Variants in FAM117B observed in about 807,000 individuals in gnomAD.
FAM117B encodes the protein family with sequence similarity 117 member B.
In FAM117B, 22 loss-of-function variants were observed where a neutral mutation model predicts 52.8. The ratio of observed to expected loss-of-function variants is 0.42; its 90% CI spans 0.30 to 0.59. The LOEUF (loss-of-function observed/expected upper bound fraction) is 0.59, where lower values mean the gene tolerates loss of function less well. FAM117B is among the 20% of genes least tolerant of loss of function. FAM117B has a pLI of 0.22. For synonymous variants in FAM117B, 309 were observed against 324.1 expected (o/e 0.95, Z 0.50); for missense variants, 678 against 802.6 (o/e 0.84, Z 1.88).
At position 202,757,406 on chromosome 2, in the gene FAM117B, C is replaced by T. The variant is rs751809497; in HGVS notation, c.1298C>T (p.Ala433Val). The T allele has an allele frequency of 1.2e-5, 19 of 1,613,930 alleles. No individual in the cohort carries two copies. The highest frequency in any genetic ancestry group is 8.0e-5 in the African/African-American group (6 of 74,878). ...NEGSEESPCS[A>V]DDLLVDPRDK... is the part of the protein sequence containing the mutation. ...GGTAGCGAGGAGAGTCCTTGCTCAG[C>T]GGATGACCTGCTTGTTGATCCCAGA... is the stretch of plus-strand genomic sequence containing the variant. Residue 433 changes from alanine to valine, a missense_variant, in exon 6 of 8, where the codon GCG becomes GTG. Coordinates refer to ENST00000392238, the MANE Select transcript of FAM117B (RefSeq NM_173511.4).
At position 202,635,057 on chromosome 2, in the gene FAM117B, C is replaced by T; in HGVS notation, c.-131C>T. ...GCTGCCTGCCCCGGCCCGGTCTCCC[C>T]CTGCACCCCGGAGTCCGGCTTCGTC... On this transcript the variant is annotated 5_prime_UTR_variant, in exon 1 of 8. Transcript: ENST00000392238. 5.0e-6 allele frequency: 6 copies of T among 1,193,282 alleles called. No homozygotes were observed. The highest frequency in any genetic ancestry group is 6.3e-6 in the Non-Finnish European group (6 of 947,216). The allele number at this position is 1,193,282 out of a possible 1,614,324, so 73.9% of individuals were successfully genotyped here. A position where few individuals can be genotyped will look rare whatever the true frequency, so the allele number is the denominator to read the frequency against.
chr2:202,754,111 G>T (rs927479977), intron 4 of FAM117B, among the ~76,000 whole-genome samples: 1 of 152,118 alleles, frequency 6.6e-6, no homozygotes, highest in Non-Finnish European at 1.5e-5. Flanking sequence ...CAATAGCAAA[G>T]ACATGGAACC....
intron 2 of FAM117B, among the ~76,000 whole-genome samples, chr2:202,719,417 T>G (rs1208380510): frequency 1.3e-5 from 2 of 152,172 alleles, no homozygotes; most frequent in Non-Finnish European, 2.9e-5. Context: ...AATCTTAAGT[T>G]TACAGAAAAG....
At chr2:202,755,294 C>T (rs112200347) in intron 4 of FAM117B, among the ~76,000 whole-genome samples, 243 of 152,270 alleles carry the variant, frequency 1.6e-3, no homozygotes, top group African/African-American at 5.6e-3. Context: ...TTATTTATCC[C>T]TGTTCCCTTT....
intron 1 of FAM117B, among the ~76,000 whole-genome samples, chr2:202,677,973 C>T (rs969229561): frequency 1.1e-4 from 17 of 152,134 alleles, no homozygotes; most frequent in East Asian, 5.8e-4. Context: ...AAAACCATTT[C>T]GTGAATAAAA....
chr2:202,691,684 T>TGA (rs1210763318), intron 1 of FAM117B, among the ~76,000 whole-genome samples: 5 of 150,190 alleles, frequency 3.3e-5, no homozygotes, highest in Admixed American at 2.0e-4. Context: ...TGTGTGTGTG[T>TGA]GTGTGTGTGT....
intron 2 of FAM117B, among the ~76,000 whole-genome samples, chr2:202,719,846 A>C (rs1163179972): frequency 6.6e-6 from 1 of 152,132 alleles, no homozygotes; most frequent in African/African-American, 2.4e-5. Context: ...TCATGACATT[A>C]ATGTTTTTTA....
At chr2:202,752,421 T>C (rs1367961052) in intron 4 of FAM117B, among the ~76,000 whole-genome samples, 2 of 151,126 alleles carry the variant, frequency 1.3e-5, no homozygotes, top group African/African-American at 4.8e-5. Flanking sequence ...TTTTTCTTTT[T>C]TTTTTTTTTT....
At chr2:202,720,964 A>C (rs1169320027) in intron 2 of FAM117B, among the ~76,000 whole-genome samples, 3 of 152,320 alleles carry the variant, frequency 2.0e-5, no homozygotes, top group African/African-American at 7.2e-5. Context: ...ACATACACAA[A>C]CACAAATGAA....
intron 7 of FAM117B, among the ~76,000 whole-genome samples, chr2:202,759,707 A>G (rs1453817884): frequency 6.6e-6 from 1 of 151,210 alleles, no homozygotes; most frequent in Non-Finnish European, 1.5e-5. Context: ...ACAGGCGCCT[A>G]CCACCACGCC....
rs550536219 is a variant in FAM117B, at chr2:202,650,810, C to A, written c.601+15022C>A. Among the ~76,000 whole-genome samples, 262 of 152,288 alleles carry A rather than the reference C, an allele frequency of 1.7e-3. 1 individual carries two copies. The highest frequency in any genetic ancestry group is 5.9e-3 in the African/African-American group (246 of 41,558). On this transcript the variant is annotated intron_variant, in intron 1 of 7. Coordinates refer to ENST00000392238, the MANE Select transcript of FAM117B (RefSeq NM_173511.4). ...AAGGCCGGAAGACTCAGCAAGTCCGCTCTTCCAAGATCTTCTCCTGCCTGC... is the reference window on the plus strand; with the variant it reads ...AAGGCCGGAAGACTCAGCAAGTCCGATCTTCCAAGATCTTCTCCTGCCTGC...
chr2:202,715,981 C>G (rs892874661), intron 2 of FAM117B, among the ~76,000 whole-genome samples: 1 of 152,088 alleles, frequency 6.6e-6, no homozygotes, highest in Non-Finnish European at 1.5e-5. Context: ...ACTCGGCAGG[C>G]TGAGGCAGGA....
At chr2:202,719,819 C>T (rs1691121553) in intron 2 of FAM117B, among the ~76,000 whole-genome samples, 1 of 152,144 alleles carries the variant, frequency 6.6e-6, no homozygotes, top group South Asian at 2.1e-4. Flanking sequence ...GTTCCTCAGC[C>T]TGAGTTTTTG....
chr2:202,641,784 G>A (rs1444197244), intron 1 of FAM117B, among the ~76,000 whole-genome samples: 6 of 148,730 alleles, frequency 4.0e-5, no homozygotes, highest in African/African-American at 1.2e-4. Flanking sequence ...GATTACAGGC[G>A]CCTGCCACCA....
chr2:202,699,426 CAAAAAAAAAAAAAAAA>C (rs751190825), intron 2 of FAM117B, among the ~76,000 whole-genome samples: 10 of 17,914 alleles, frequency 5.6e-4, no homozygotes, highest in African/African-American at 1.8e-3. Context: ...GACCCCATCT[CAAAAAAAAAAAAAAAA>C]AAAAAAGAAA....
At position 202,635,116 on chromosome 2, in the gene FAM117B, A is replaced by G; in HGVS notation, c.-72A>G. The G allele has an allele frequency of 3.2e-6, 4 of 1,249,504 alleles. No individual in the cohort carries two copies. The highest frequency in any genetic ancestry group is 4.0e-6 in the Non-Finnish European group (4 of 996,072). The allele number at this position is 1,249,504 out of a possible 1,614,324, so 77.4% of individuals were successfully genotyped here. A position where few individuals can be genotyped will look rare whatever the true frequency, so the allele number is the denominator to read the frequency against. On this transcript the variant is annotated 5_prime_UTR_variant, in exon 1 of 8. Coordinates refer to ENST00000392238, the MANE Select transcript of FAM117B (RefSeq NM_173511.4). ...TTGGGGGGCCTGCCCTCCGGCCTCG[A>G]GAATCCTCCCCCTGCAGCCCAACAA...
chr2:202,701,939 T>C (rs760249198), intron 2 of FAM117B, among the ~76,000 whole-genome samples: 1 of 152,194 alleles, frequency 6.6e-6, no homozygotes, highest in Non-Finnish European at 1.5e-5. Context: ...ACTAACTTAG[T>C]TGTTAAAGCA....
chr2:202,688,809 A>G (rs1690581189), intron 1 of FAM117B, among the ~76,000 whole-genome samples: 1 of 152,286 alleles, frequency 6.6e-6, no homozygotes, highest in Admixed American at 6.5e-5. Context: ...AGTACTTCCA[A>G]TTTTAATCTG....
chr2:202,668,763 C>G (rs1690249222), intron 1 of FAM117B, among the ~76,000 whole-genome samples: 1 of 151,962 alleles, frequency 6.6e-6, no homozygotes, highest in African/African-American at 2.4e-5. Context: ...GAATGCATGT[C>G]TCATGCATTA....
Sources: allele counts gnomAD v4.1 joint callset (sites outside exome capture counted in the v4.1 genomes callset), GRCh38; gene constraint gnomAD v4.1.1; transcripts MANE v1.5; gene names NCBI Gene and HGNC (gene_info 2026-07-23, HGNC 2026-07-21).